FSD2: variants seen among roughly 807,000 people sequenced by gnomAD.
FSD2 encodes fibronectin type III and SPRY domain containing 2.
FSD2 carries 71 observed loss-of-function variants against 80.4 expected under a neutral mutation model. That is an observed-to-expected ratio of 0.88 (90% CI 0.73 to 1.08). The LOEUF (loss-of-function observed/expected upper bound fraction) is 1.08. FSD2 is among the 50% of genes least tolerant of loss of function. FSD2 has a pLI of 0.00. For synonymous variants in FSD2, 361 were observed against 329.5 expected (o/e 1.10, Z -1.03); for missense variants, 923 against 913.8 (o/e 1.01, Z -0.13).
chr15:82,772,702 A>T (rs2049612934), intron 6 of FSD2, among the ~76,000 whole-genome samples: 1 of 152,068 alleles, frequency 6.6e-6, no homozygotes, highest in South Asian at 2.1e-4. Context: ...CCCAATTGTG[A>T]TTTTCAGAAC....
chr15:82,793,164 C>T (rs10152762), intron 1 of FSD2, among the ~76,000 whole-genome samples: 20,550 of 151,922 alleles, frequency 0.14, 1,505 homozygotes, highest in Non-Finnish European at 0.15. Flanking sequence ...GGCACAATCT[C>T]GGCTCACTGC....
chr15:82,764,207 A>C (rs2049356182), intron 11 of FSD2, among the ~76,000 whole-genome samples: 1 of 152,198 alleles, frequency 6.6e-6, no homozygotes, highest in Admixed American at 6.5e-5. Flanking sequence ...GAAAAACCCC[A>C]ACCTTCTAAG....
At chr15:82,779,956 C>T (rs189359252) in intron 5 of FSD2, among the ~76,000 whole-genome samples, 1 of 152,196 alleles carries the variant, frequency 6.6e-6, no homozygotes, top group Admixed American at 6.5e-5. Flanking sequence ...GGGTACTCCA[C>T]AGATCTCAGT....
In FSD2 at chr15:82,759,238, A is replaced by G. The variant is rs980547857; in HGVS notation, c.*110T>C. ...CACCAGTCAGATAATAGCATGAGCC[A>G]TAAATTGTGCTGGGCACATGGTGCT... On this transcript the variant is annotated 3_prime_UTR_variant, in exon 13 of 13. Coordinates refer to ENST00000334574, the MANE Select transcript of FSD2 (RefSeq NM_001007122.4). 8.4e-7 allele frequency: 1 copy of G among 1,190,304 alleles called. No homozygotes were observed. The highest frequency in any genetic ancestry group is 1.2e-6 in the Non-Finnish European group (1 of 862,820). The allele number at this position is 1,190,304 out of a possible 1,614,324, so 73.7% of individuals were successfully genotyped here. A position where few individuals can be genotyped will look rare whatever the true frequency, so the allele number is the denominator to read the frequency against.
intron 9 of FSD2, among the ~76,000 whole-genome samples, chr15:82,767,969 C>A (rs1301162959): frequency 6.6e-6 from 1 of 152,158 alleles, no homozygotes; most frequent in Non-Finnish European, 1.5e-5. Context: ...GGTGGTTCAT[C>A]CCCTTTCACA....
chr15:82,765,221 T>C lies in FSD2; in HGVS notation c.1765A>G (p.Ser589Gly), dbSNP rs748389506. The C allele has an allele frequency of 6.2e-7, 1 of 1,610,790 alleles. No homozygotes were observed. The highest frequency in any genetic ancestry group is 2.2e-5 in the East Asian group (1 of 44,726). ...TCCCTGGCGGGGGTTCTCCTTTCACTTCGTACAGCCGTAAGTCCGTCTTCA... is the reference window on the plus strand; with the variant it reads ...TCCCTGGCGGGGGTTCTCCTTTCACCTCGTACAGCCGTAAGTCCGTCTTCA... ...ISEDGLTAVR[S>G]ERRTPARELS... Residue 589 changes from serine to glycine, a missense_variant, in exon 11 of 13, where the codon AGT becomes GGT. Transcript: ENST00000334574.
chr15:82,766,020 C>T lies in FSD2; in HGVS notation c.1565G>A (p.Gly522Asp). 1 of 1,584,306 alleles carries T rather than the reference C, an allele frequency of 6.3e-7. No individual in the cohort carries two copies. Residue 522 changes from glycine to aspartate, a missense_variant, in exon 10 of 13, where the codon GGC (glycine) becomes GAC (aspartate). By Grantham distance (94) the Gly-to-Asp change is moderately conservative. Transcript: ENST00000334574. ...CACCACGGACTCGCAGGTCGGGATG[C>T]CCACAACAGACCTGTACAAGGAAGC... is the stretch of plus-strand genomic sequence containing the variant. ...EASGVTESVV[G>D]IPTCESVVQL...
At chr15:82,805,137 A>G (rs1450978624) in intron 1 of FSD2, among the ~76,000 whole-genome samples, 3 of 128,860 alleles carry the variant, frequency 2.3e-5, no homozygotes, top group East Asian at 2.1e-4. Flanking sequence ...AAGTCCCCCA[A>G]TAATTTTTTT....
chr15:82,770,201 G>A (rs1235207423), intron 7 of FSD2, among the ~76,000 whole-genome samples: 3 of 152,220 alleles, frequency 2.0e-5, no homozygotes, highest in East Asian at 1.9e-4. Flanking sequence ...CCACTACCAC[G>A]TGAGCAAGCC....
Position 82,756,017 on chromosome 15 carries a change from TAGAACAGGTCTTGTTTGCA to T in FSD2, c.*3312_*3330del. On this transcript the variant is annotated 3_prime_UTR_variant, in exon 13 of 13. Transcript: ENST00000334574. ...TTAGCCTCCTAAATGAAAAGGTAGA[TAGAACAGGTCTTGTTTGCA>T]AAATAAATTCAAGACCTACTTATCT... 1.9e-6 allele frequency: 1 copy of T among 514,326 alleles called. No homozygotes were observed. Among genetic ancestry groups the T allele is most frequent in the Non-Finnish European group, 3.9e-6 (1 of 257,600 alleles). The allele number at this position is 514,326 out of a possible 1,614,324, so 31.9% of individuals were successfully genotyped here.
At position 82,802,776 on chromosome 15, in the gene FSD2, G is replaced by A. The variant is rs561500811; in HGVS notation, c.-79+3190C>T. On this transcript the variant is annotated intron_variant, in intron 1 of 12. Transcript: ENST00000334574. ...TGGTTGCTGCCTCTGCTCCTGGGGC[G>A]TTATAGATTCCACCTGGTCATGGCA... Among the ~76,000 whole-genome samples the A allele has an allele frequency of 3.7e-4, 56 of 152,226 alleles. 1 individual carries two copies. In the South Asian group the frequency reaches 9.1e-3, roughly 25 times the overall value.
chr15:82,766,738 C>CAA (rs560358115), intron 9 of FSD2, among the ~76,000 whole-genome samples: 62 of 96,156 alleles, frequency 6.4e-4, no homozygotes, highest in South Asian at 6.3e-3. Context: ...GAGACTGTCT[C>CAA]AAAAAAAAAA....
chr15:82,784,315 GC>G (rs2049946409), intron 3 of FSD2, among the ~76,000 whole-genome samples: 1 of 151,792 alleles, frequency 6.6e-6, no homozygotes. Context: ...AGCGATCTCA[GC>G]TCACTGCAAC....
chr15:82,791,438 T>C (rs2050150206), intron 1 of FSD2, among the ~76,000 whole-genome samples: 1 of 152,038 alleles, frequency 6.6e-6, no homozygotes, highest in South Asian at 2.1e-4. Flanking sequence ...TAACACCATC[T>C]TGGCTCACTG....
intron 11 of FSD2, among the ~76,000 whole-genome samples, chr15:82,764,045 C>G (rs766955741): frequency 6.6e-6 from 1 of 152,152 alleles, no homozygotes; most frequent in Non-Finnish European, 1.5e-5. Flanking sequence ...TGTAAGGTAC[C>G]ACAGTGCAGG....
chr15:82,771,048 C>G (rs2049556500), intron 7 of FSD2, among the ~76,000 whole-genome samples: 1 of 151,778 alleles, frequency 6.6e-6, no homozygotes, highest in Admixed American at 6.6e-5. Flanking sequence ...CTTATTCTGA[C>G]CACTCTCACC....
At position 82,787,383 on chromosome 15, in the gene FSD2, TC is replaced by T; in HGVS notation, c.7del (p.Glu3ArgfsTer41). 1 of 1,602,940 alleles carries T rather than the reference TC, an allele frequency of 6.2e-7. No homozygotes were observed. Among genetic ancestry groups the T allele is most frequent in the Non-Finnish European group, 8.5e-7 (1 of 1,173,852 alleles). On this transcript the variant is annotated frameshift_variant, in exon 2 of 13. Coordinates refer to ENST00000334574, the MANE Select transcript of FSD2 (RefSeq NM_001007122.4). LOFTEE classifies it high-confidence loss of function. ...CAGCCCCAGTTCCTCCCCCGATTCC[TC>T]CTCCATTGTAACTCTGGAAGTCCTC... The part of the protein sequence containing the change: ME[E>X]ESGEELGLDR...
chr15:82,765,183 G>A lies in FSD2; in HGVS notation c.1803C>T (p.Ser601=), dbSNP rs762388075. Residue 601 remains serine (S), a synonymous_variant, in exon 11 of 13, where the codon AGC becomes AGT. Transcript: ENST00000334574. ...RRTPARELSP[S]DTHFTRCVAV... ...CAAAGTACCTGGTGAAGTGAGTGTC[G>A]CTGGGTGACAGCTCCCTGGCGGGGG... 4.9e-5 allele frequency: 78 copies of A among 1,603,866 alleles called. No individual in the cohort carries two copies. Among genetic ancestry groups the A allele is most frequent in the Admixed American group, 1.5e-4 (9 of 58,072 alleles).
At chr15:82,805,910 T>C (rs2050515257) in intron 1 of FSD2, 56 bp downstream of exon 1, 1 of 152,248 alleles carries the variant, frequency 6.6e-6, no homozygotes, top group Admixed American at 6.5e-5. Flanking sequence ...TATTGCAGCA[T>C]TGAGTTTCTA....
Sources: allele counts gnomAD v4.1 joint callset (sites outside exome capture counted in the v4.1 genomes callset), GRCh38; gene constraint gnomAD v4.1.1; transcripts MANE v1.5; gene names NCBI Gene and HGNC (gene_info 2026-07-23, HGNC 2026-07-21).